Variants in EML5 observed in about 807,000 individuals in gnomAD.
EML5 encodes EMAP like 5, also known as echinoderm microtubule-associated protein-like 5.
In EML5, 120 loss-of-function variants were observed where a neutral mutation model predicts 250.0. The ratio of observed to expected loss-of-function variants is 0.48; its 90% CI spans 0.41 to 0.56. The LOEUF (loss-of-function observed/expected upper bound fraction) is 0.56. Ranked by LOEUF, EML5 falls within the 20% of genes least tolerant of loss-of-function variation. The probability of loss-of-function intolerance (pLI) is 0.00; values close to 1 mark genes in which losing one functional copy is unlikely to be tolerated. For synonymous variants in EML5, 771 were observed against 806.5 expected (o/e 0.96, Z 0.75); for missense variants, 2,006 against 2,437.6 (o/e 0.82, Z 3.73).
At chr14:88,733,560 G>A (rs984102451) in intron 7 of EML5, among the ~76,000 whole-genome samples, 6 of 152,306 alleles carry the variant, frequency 3.9e-5, no homozygotes, top group Admixed American at 3.9e-4. Context: ...GTGGCACTTG[G>A]TAATAGCAGT....
intron 12 of EML5, 101 bp downstream of exon 12, chr14:88,705,381 G>A: frequency 1.1e-6 from 1 of 900,962 alleles, no homozygotes; most frequent in Admixed American, 2.3e-5. Context: ...CATTGCTTGA[G>A]AAATTAAAGC....
Position 88,646,939 on chromosome 14 carries a change from AGGATTACCT to A in EML5, c.4027_4028+7del. 1 of 1,592,414 alleles carries A rather than the reference AGGATTACCT, an allele frequency of 6.3e-7. No individual in the cohort carries two copies. Among genetic ancestry groups the A allele is most frequent in the Non-Finnish European group, 8.5e-7 (1 of 1,177,790 alleles). ...TAGGCTTTGTAAACACAGCAAAGAGAGGATTACCTGGAACCTCTTTTCAGCAGCAGATAA... is the reference window on the plus strand; with the variant it reads ...TAGGCTTTGTAAACACAGCAAAGAGAGGAACCTCTTTTCAGCAGCAGATAA... On this transcript the variant is annotated splice_donor_variant and splice_donor_5th_base_variant and coding_sequence_variant and intron_variant, in exon 29 of 44. Coordinates refer to ENST00000554922, the MANE Select transcript of EML5 (RefSeq NM_183387.3). LOFTEE classifies it high-confidence loss of function.
intron 23 of EML5, among the ~76,000 whole-genome samples, chr14:88,663,812 G>A (rs1010192278): frequency 6.6e-6 from 1 of 151,414 alleles, no homozygotes; most frequent in Admixed American, 6.6e-5. Flanking sequence ...TGAGATTACA[G>A]GCATGAGCCA....
chr14:88,670,498 G>A (rs1451476917), intron 21 of EML5, among the ~76,000 whole-genome samples: 2 of 152,072 alleles, frequency 1.3e-5, no homozygotes, highest in African/African-American at 4.8e-5. Flanking sequence ...CAAAAAGCCA[G>A]AGTGCCTCTT....
At chr14:88,616,471 T>C in intron 42 of EML5, 1 of 605,934 alleles carries the variant, frequency 1.7e-6, no homozygotes, top group South Asian at 2.2e-5. Flanking sequence ...AGGAAAAGCA[T>C]TTGAAATTTG....
At position 88,644,432 on chromosome 14, in the gene EML5, C is replaced by CCT; in HGVS notation, c.4106_4107dup (p.Asp1370ArgfsTer23). On this transcript the variant is annotated frameshift_variant and splice_region_variant. Transcript: ENST00000554922. LOFTEE classifies it high-confidence loss of function. Reference sequence around the variant, plus strand: ...AACACTGGAGAGTGAGTTTTCCTTACCTCTATAGGTCTCTTTTTCTTGCCT... The same window carrying CCT: ...AACACTGGAGAGTGAGTTTTCCTTACCTCTCTATAGGTCTCTTTTTCTTGCCT... 6.2e-7 allele frequency: 1 copy of CCT among 1,613,622 alleles called. No homozygotes were observed. Among genetic ancestry groups the CCT allele is most frequent in the Non-Finnish European group, 8.5e-7 (1 of 1,179,654 alleles).
chr14:88,756,689 G>A (rs1253346515), intron 1 of EML5, among the ~76,000 whole-genome samples: 1 of 151,970 alleles, frequency 6.6e-6, no homozygotes, highest in Non-Finnish European at 1.5e-5. Flanking sequence ...CTATACACTA[G>A]CAACGAACAA....
At chr14:88,622,487 A>G in intron 37 of EML5, 117 bp downstream of exon 37, 1 of 791,198 alleles carries the variant, frequency 1.3e-6, no homozygotes, top group Non-Finnish European at 1.8e-6. Flanking sequence ...GTTGGCAAGC[A>G]AATCCATCGT....
In EML5 at chr14:88,626,959, A is replaced by G. The variant is rs765017810; in HGVS notation, c.4619T>C (p.Val1540Ala). Residue 1540 changes from valine to alanine, a missense_variant, in exon 35 of 44, where the codon GTG (valine) becomes GCG (alanine). This residue lies in a region of EML5 where 405 missense variants were observed against 523.3 expected (regional missense o/e 0.77). Coordinates refer to ENST00000554922, the MANE Select transcript of EML5 (RefSeq NM_183387.3). ...RPDSDTQFVS[V>A]GVKHVKFWTL... ...CCAGAACTTCACATGTTTTACTCCC[A>G]CTGAGACAAACTGGGTATCTGAATC... is the stretch of plus-strand genomic sequence containing the variant. 2 of 1,614,000 alleles carry G rather than the reference A, an allele frequency of 1.2e-6. No individual in the cohort carries two copies. Among genetic ancestry groups the G allele is most frequent in the South Asian group, 1.1e-5 (1 of 91,080 alleles).
At chr14:88,702,234 AAATTAAAATAATATG>A (rs2093227543) in intron 14 of EML5, among the ~76,000 whole-genome samples, 197 bp downstream of exon 14, 1 of 152,142 alleles carries the variant, frequency 6.6e-6, no homozygotes, top group African/African-American at 2.4e-5. Context: ...TTCCAAATTT[AAATTAAAATAATATG>A]AATTAAAATA....
intron 10 of EML5, among the ~76,000 whole-genome samples, chr14:88,709,000 G>A (rs2093362132): frequency 6.6e-6 from 1 of 151,902 alleles, no homozygotes; most frequent in Admixed American, 6.6e-5. Flanking sequence ...AAATATTTGT[G>A]TTTCAATGAT....
intron 31 of EML5, 107 bp from the exon 32 acceptor site, chr14:88,639,014 A>T: frequency 1.2e-6 from 1 of 842,834 alleles, no homozygotes. Flanking sequence ...CTTATTCAAA[A>T]CATGTTTTTG....
At chr14:88,709,120 CTA>C in intron 10 of EML5, among the ~76,000 whole-genome samples, 1 of 150,950 alleles carries the variant, frequency 6.6e-6, no homozygotes, top group Admixed American at 6.6e-5. Flanking sequence ...TTCCATTTAA[CTA>C]TGTTTTAATG....
At chr14:88,662,243 T>C (rs2092126986) in intron 24 of EML5, among the ~76,000 whole-genome samples, 1 of 150,550 alleles carries the variant, frequency 6.6e-6, no homozygotes, top group South Asian at 2.1e-4. Flanking sequence ...GACACTTTCA[T>C]GTTAAATTTG....
intron 25 of EML5, among the ~76,000 whole-genome samples, chr14:88,660,013 C>T (rs1317471398): frequency 2.0e-5 from 3 of 152,050 alleles, no homozygotes; most frequent in Non-Finnish European, 1.5e-5. Flanking sequence ...CAGTGACTCG[C>T]GCCTGTAATC....
Position 88,615,184 on chromosome 14 carries a change from G to T in EML5, c.*634C>A, listed in dbSNP as rs1306016925. 1 of 152,136 alleles carries T rather than the reference G, an allele frequency of 6.6e-6. No individual in the cohort carries two copies. Among genetic ancestry groups the T allele is most frequent in the Non-Finnish European group, 1.5e-5 (1 of 68,028 alleles). The allele number at this position is 152,136 out of a possible 1,614,324, so 9.4% of individuals were successfully genotyped here. A position where few individuals can be genotyped will look rare whatever the true frequency, so the allele number is the denominator to read the frequency against. On this transcript the variant is annotated 3_prime_UTR_variant, in exon 44 of 44. Transcript: ENST00000554922. Reference sequence around the variant, plus strand: ...AATGGAAATGTAGCAGCCATATACTGCTAACTTTGGATCTGTTCCTGAATT... The same window carrying T: ...AATGGAAATGTAGCAGCCATATACTTCTAACTTTGGATCTGTTCCTGAATT...
chr14:88,618,090 T>A, intron 41 of EML5, 138 bp downstream of exon 41: 2 of 587,262 alleles, frequency 3.4e-6, no homozygotes, highest in Non-Finnish European at 5.9e-6. Flanking sequence ...AACATGAACA[T>A]ACCATTTCAA....
intron 35 of EML5, chr14:88,626,389 A>G (rs1024895069): frequency 6.2e-6 from 1 of 160,756 alleles, no homozygotes; most frequent in African/African-American, 2.4e-5. Flanking sequence ...TGGGAGGTCA[A>G]GATGGGAGGA....
At chr14:88,766,460 G>A (rs888964568) in intron 1 of EML5, among the ~76,000 whole-genome samples, 3 of 152,098 alleles carry the variant, frequency 2.0e-5, no homozygotes, top group South Asian at 2.1e-4. Context: ...GATGAAATAA[G>A]CCCCGGTCTC....
Sources: allele counts gnomAD v4.1 joint callset (sites outside exome capture counted in the v4.1 genomes callset), GRCh38; gene constraint gnomAD v4.1.1; regional missense constraint gnomAD v4.1.1; transcripts MANE v1.5; gene names NCBI Gene and HGNC (gene_info 2026-07-23, HGNC 2026-07-21).